Variants in GSR observed in about 807,000 individuals in gnomAD.
The protein encoded by GSR is glutathione-disulfide reductase, also known as glutathione reductase, mitochondrial.
Under a neutral mutation model 56.5 loss-of-function variants are expected in GSR, and 48 were observed. The observed-to-expected ratio is 0.85, with a 90% CI of 0.67 to 1.08. The LOEUF (loss-of-function observed/expected upper bound fraction) is 1.08, where lower values mean the gene tolerates loss of function less well. Among genes scored for constraint, GSR ranks in the 50% least tolerant of loss-of-function variants. GSR has a pLI of 0.00. For synonymous variants in GSR, 264 were observed against 270.8 expected (o/e 0.97, Z 0.25); for missense variants, 694 against 703.3 (o/e 0.99, Z 0.15).
intron 9 of GSR, among the ~76,000 whole-genome samples, chr8:30,688,180 G>A (rs1271190367): frequency 2.0e-5 from 3 of 152,172 alleles, no homozygotes; most frequent in Non-Finnish European, 4.4e-5. Flanking sequence ...CAGCAATCTG[G>A]ATTACCTACT....
intron 3 of GSR, among the ~76,000 whole-genome samples, chr8:30,709,491 T>G (rs1216291068): frequency 6.6e-6 from 1 of 152,160 alleles, no homozygotes; most frequent in Non-Finnish European, 1.5e-5. Context: ...TCCCTAGAAT[T>G]GGCAAATTCA....
intron 9 of GSR, among the ~76,000 whole-genome samples, chr8:30,685,586 A>C (rs1803132883): frequency 6.6e-6 from 1 of 152,174 alleles, no homozygotes; most frequent in Admixed American, 6.6e-5. Flanking sequence ...TGCTTTAAGA[A>C]GACATGTTAT....
chr8:30,693,044 ACTT>A lies in GSR; in HGVS notation c.804_806del (p.Arg268del). ...AGTTGGTGCTGATCATTGAATCAAA[ACTT>A]CTAAGTACCTGCATATCAACATAGG... On this transcript the variant is annotated inframe_deletion, in exon 8 of 13. Coordinates refer to ENST00000221130, the MANE Select transcript of GSR (RefSeq NM_000637.5). 2 of 1,604,500 alleles carry A rather than the reference ACTT, an allele frequency of 1.2e-6. No individual in the cohort carries two copies. Among genetic ancestry groups the A allele is most frequent in the Non-Finnish European group, 1.7e-6 (2 of 1,171,616 alleles).
chr8:30,707,866 A>T (rs1427865722), intron 4 of GSR, among the ~76,000 whole-genome samples: 2 of 152,072 alleles, frequency 1.3e-5, no homozygotes, highest in African/African-American at 2.4e-5. Context: ...CTGAGGCAGG[A>T]GAATTGCTTG....
chr8:30,716,002 G>C (rs1026849600), intron 1 of GSR, among the ~76,000 whole-genome samples: 1 of 152,132 alleles, frequency 6.6e-6, no homozygotes, highest in Admixed American at 6.6e-5. Flanking sequence ...TATAACTCTG[G>C]TTTGTTTTTT....
chr8:30,692,495 CTTTTTTTTT>C (rs71206280), intron 8 of GSR, among the ~76,000 whole-genome samples: 1 of 59,062 alleles, frequency 1.7e-5, no homozygotes, highest in Non-Finnish European at 2.8e-5. Flanking sequence ...CACACCCAGA[CTTTTTTTTT>C]TTTTTTTTTT....
intron 3 of GSR, among the ~76,000 whole-genome samples, chr8:30,708,742 G>A (rs548630815): frequency 3.3e-5 from 5 of 150,082 alleles, no homozygotes; most frequent in Non-Finnish European, 5.9e-5. Flanking sequence ...GGATCACGAG[G>A]TCAGAAGATC....
chr8:30,703,001 T>G, intron 5 of GSR, 92 bp downstream of exon 5: 1 of 1,323,144 alleles, frequency 7.6e-7, no homozygotes. Flanking sequence ...AAGAGAGAAC[T>G]GGTTTAGGCA....
intron 2 of GSR, among the ~76,000 whole-genome samples, chr8:30,711,567 C>T (rs978793597): frequency 3.3e-5 from 5 of 152,192 alleles, no homozygotes; most frequent in African/African-American, 2.4e-5. Context: ...GTCTGTGGCT[C>T]ATGCCTATAA....
chr8:30,710,503 G>A (rs1428801236), intron 2 of GSR, among the ~76,000 whole-genome samples: 1 of 151,062 alleles, frequency 6.6e-6, no homozygotes, highest in African/African-American at 2.4e-5. Flanking sequence ...GATCACTTGA[G>A]GTCAGGAGTT....
At chr8:30,700,722 C>CAAAAAAAAA (rs1563535549) in intron 5 of GSR, among the ~76,000 whole-genome samples, 143 of 8,428 alleles carry the variant, frequency 0.017, 3 homozygotes, top group African/African-American at 0.024. Context: ...GATTTTGTCT[C>CAAAAAAAAA]CAAAAAAAAA....
At chr8:30,689,935 T>C (rs1297147423) in intron 8 of GSR, among the ~76,000 whole-genome samples, 1 of 142,400 alleles carries the variant, frequency 7.0e-6, no homozygotes, top group African/African-American at 2.5e-5. Context: ...TTTTATTAAA[T>C]ATATGTATTA....
At chr8:30,684,239 C>T (rs1338030711) in intron 9 of GSR, 40 bp from the exon 10 acceptor site, 1 of 1,138,156 alleles carries the variant, frequency 8.8e-7, no homozygotes, top group African/African-American at 1.5e-5. Context: ...ACTTGGCCCA[C>T]CTACTAAAAA....
At position 30,681,041 on chromosome 8, in the gene GSR, C is replaced by T; in HGVS notation, c.1286-4G>A. The T allele has an allele frequency of 6.2e-7, 1 of 1,605,042 alleles. No individual in the cohort carries two copies. The highest frequency in any genetic ancestry group is 2.2e-5 in the East Asian group (1 of 44,838). ...CCATATTTATGAATGGCTTCATCTA[C>T]AATGCACATTAAAAAAAGCATCTAT... On this transcript the variant is annotated splice_region_variant and splice_polypyrimidine_tract_variant and intron_variant, in intron 11 of 12. Transcript: ENST00000221130.
intron 1 of GSR, among the ~76,000 whole-genome samples, chr8:30,716,477 T>C (rs753211120): frequency 1.9e-4 from 29 of 152,184 alleles, no homozygotes; most frequent in Non-Finnish European, 3.7e-4. Flanking sequence ...GCCAGCAACA[T>C]GACATGACTT....
chr8:30,703,344 G>C, intron 4 of GSR, 104 bp from the exon 5 acceptor site: 1 of 1,101,378 alleles, frequency 9.1e-7, no homozygotes, highest in Non-Finnish European at 1.4e-6. Flanking sequence ...TTTGATTCTT[G>C]GTTTGCTGAT....
rs1463055359 is a variant in GSR at position 30,705,895 on chromosome 8, A to G, written c.492+2177T>C. Among the ~76,000 whole-genome samples, 5 of 152,200 alleles carry G rather than the reference A, an allele frequency of 3.3e-5. No individual in the cohort carries two copies. The East Asian group carries it at 9.6e-4, about 29-fold the overall frequency. On this transcript the variant is annotated intron_variant, in intron 4 of 12. Coordinates refer to ENST00000221130, the MANE Select transcript of GSR (RefSeq NM_000637.5). ...TTGGAAAATTCACCCTCCAAAAAAT[A>G]AACCCAATGAATAAGAATATAAAAC... is the stretch of plus-strand genomic sequence containing the variant.
chr8:30,695,735 T>C (rs1411590812), intron 7 of GSR, among the ~76,000 whole-genome samples: 1 of 152,150 alleles, frequency 6.6e-6, no homozygotes, highest in Admixed American at 6.6e-5. Context: ...AAAATTGATT[T>C]CCAGAAATTA....
At position 30,680,897 on chromosome 8, in the gene GSR, T is replaced by C. The variant is rs778108246; in HGVS notation, c.1419+7A>G. The C allele has an allele frequency of 1.4e-5, 22 of 1,613,116 alleles. No individual in the cohort carries two copies. The East Asian group carries it at 4.5e-4, about 33-fold the overall frequency. The stretch of plus-strand genomic sequence containing the variant: ...GGCACTATTTAGTTTGCTGGATTTT[T>C]CCTTACCTTTTCTTCCTTGTTAGCA... On this transcript the variant is annotated splice_region_variant and intron_variant, in intron 12 of 12. Transcript: ENST00000221130.
Sources: allele counts gnomAD v4.1 joint callset (sites outside exome capture counted in the v4.1 genomes callset), GRCh38; gene constraint gnomAD v4.1.1; transcripts MANE v1.5; gene names NCBI Gene and HGNC (gene_info 2026-07-23, HGNC 2026-07-21).